Variants in ZSWIM6 observed in about 807,000 individuals in gnomAD.
ZSWIM6 encodes the protein zinc finger SWIM domain-containing protein 6.
ZSWIM6 carries 9 observed loss-of-function variants against 113.2 expected under a neutral mutation model. The ratio of observed to expected loss-of-function variants is 0.08; its 90% confidence interval spans 0.05 to 0.14. The LOEUF is 0.14. Ranked by LOEUF, ZSWIM6 falls within the 10% of genes least tolerant of loss-of-function variation. ZSWIM6 has a pLI of 1.00. For missense variants in ZSWIM6, 1,162 were observed against 1,552.2 expected, an observed-to-expected ratio of 0.75 and a Z score of 4.22; for synonymous variants, 611 against 606.5, an observed-to-expected ratio of 1.01 and a Z score of -0.11.
intron 1 of ZSWIM6, among the ~76,000 whole-genome samples, chr5:61,374,703 G>A (rs1745332110): frequency 6.6e-6 from 1 of 151,588 alleles, no homozygotes; most frequent in Non-Finnish European, 1.5e-5. Context: ...ACAGGCGCTC[G>A]CCACCACGCC....
intron 9 of ZSWIM6, among the ~76,000 whole-genome samples, chr5:61,534,843 C>T (rs1394090464): frequency 1.3e-5 from 2 of 152,126 alleles, no homozygotes; most frequent in African/African-American, 4.8e-5. Flanking sequence ...GAATAGTAAA[C>T]TTCCAGTTAC....
At chr5:61,488,352 A>G (rs769324596) in intron 2 of ZSWIM6, among the ~76,000 whole-genome samples, 13 of 151,930 alleles carry the variant, frequency 8.6e-5, no homozygotes, top group Non-Finnish European at 1.6e-4. Context: ...TAGTTTTGGT[A>G]CCATGCTGAC....
In ZSWIM6 at chr5:61,530,545, CTAGTT is replaced by C. The variant is rs199757348; in HGVS notation, c.1984+351_1984+355del. On this transcript the variant is annotated intron_variant, in intron 8 of 13. Coordinates refer to ENST00000252744, the MANE Select transcript of ZSWIM6 (RefSeq NM_020928.2). The stretch of plus-strand genomic sequence containing the variant: ...ATCTTAGCATTTAGAACTAGAAAAT[CTAGTT>C]TAGGTGCTTTTCAAATTTGTCTTTG... Among the ~76,000 whole-genome samples the C allele has an allele frequency of 4.6e-3, 701 of 152,288 alleles. 7 individuals are homozygous for C. The highest frequency in any genetic ancestry group is 0.016 in the African/African-American group (664 of 41,554).
At chr5:61,435,006 CT>C (rs1439401359) in intron 1 of ZSWIM6, among the ~76,000 whole-genome samples, 1 of 152,068 alleles carries the variant, frequency 6.6e-6, no homozygotes, top group Non-Finnish European at 1.5e-5. Flanking sequence ...AATTTAACTC[CT>C]TGTGAAAAGA....
chr5:61,446,966 G>T (rs1746967236), intron 1 of ZSWIM6, among the ~76,000 whole-genome samples: 1 of 152,156 alleles, frequency 6.6e-6, no homozygotes, highest in South Asian at 2.1e-4. Context: ...CATTTGCACT[G>T]ATAGGTAATC....
At chr5:61,422,420 A>C (rs2112125998) in intron 1 of ZSWIM6, among the ~76,000 whole-genome samples, 1 of 152,268 alleles carries the variant, frequency 6.6e-6, no homozygotes, top group African/African-American at 2.4e-5. Flanking sequence ...TATTCCACTT[A>C]CTAAGTGTCT....
intron 1 of ZSWIM6, among the ~76,000 whole-genome samples, chr5:61,355,369 A>G (rs1350543174): frequency 6.6e-6 from 1 of 151,098 alleles, no homozygotes; most frequent in Non-Finnish European, 1.5e-5. Flanking sequence ...CAGTGATGGT[A>G]TTGATGTAGC....
chr5:61,434,523 C>T (rs1353041112), intron 1 of ZSWIM6, among the ~76,000 whole-genome samples: 1 of 151,670 alleles, frequency 6.6e-6, no homozygotes, highest in Non-Finnish European at 1.5e-5. Flanking sequence ...TTAGTTCCCA[C>T]TTGTGAGAAC....
chr5:61,425,555 A>G (rs769672235), intron 1 of ZSWIM6, among the ~76,000 whole-genome samples: 52 of 152,216 alleles, frequency 3.4e-4, no homozygotes, highest in Non-Finnish European at 6.8e-4. Flanking sequence ...ACAAAAAGAG[A>G]GAAATCCCCA....
intron 1 of ZSWIM6, among the ~76,000 whole-genome samples, chr5:61,415,506 C>T (rs1211096933): frequency 2.0e-5 from 3 of 151,648 alleles, no homozygotes; most frequent in East Asian, 1.9e-4. Context: ...GCAGGAGAAT[C>T]GCTTGAACCA....
At chr5:61,340,289 T>C (rs1235491434) in intron 1 of ZSWIM6, among the ~76,000 whole-genome samples, 1 of 152,234 alleles carries the variant, frequency 6.6e-6, no homozygotes, top group Admixed American at 6.5e-5. Flanking sequence ...AAATGTTTTA[T>C]GTCTGCGGAA....
intron 2 of ZSWIM6, among the ~76,000 whole-genome samples, chr5:61,478,043 T>C (rs1561254093): frequency 6.6e-6 from 1 of 152,226 alleles, no homozygotes; most frequent in Non-Finnish European, 1.5e-5. Context: ...GTAATTGGGC[T>C]TGCCTTAGCA....
At chr5:61,490,010 T>C (rs1748135013) in intron 2 of ZSWIM6, among the ~76,000 whole-genome samples, 1 of 152,070 alleles carries the variant, frequency 6.6e-6, no homozygotes, top group Non-Finnish European at 1.5e-5. Context: ...TGAACAGTTT[T>C]TAGATCTAAT....
At chr5:61,388,565 T>C (rs1561218254) in intron 1 of ZSWIM6, among the ~76,000 whole-genome samples, 2 of 152,250 alleles carry the variant, frequency 1.3e-5, no homozygotes, top group Non-Finnish European at 2.9e-5. Flanking sequence ...CATACTGTTA[T>C]AAAGGCTTTA....
At chr5:61,456,281 G>A (rs184531303) in intron 1 of ZSWIM6, among the ~76,000 whole-genome samples, 1 of 152,250 alleles carries the variant, frequency 6.6e-6, no homozygotes, top group East Asian at 1.9e-4. Flanking sequence ...AATCATCAAA[G>A]GGAATTAAGT....
intron 1 of ZSWIM6, among the ~76,000 whole-genome samples, chr5:61,459,881 A>G (rs889139138): frequency 6.6e-6 from 1 of 152,192 alleles, no homozygotes; most frequent in Non-Finnish European, 1.5e-5. Context: ...TGCCACTCAA[A>G]TTTTAAGGAT....
chr5:61,433,009 G>A lies in ZSWIM6; in HGVS notation c.677-39672G>A, dbSNP rs571429734. Among the ~76,000 whole-genome samples the A allele has an allele frequency of 2.4e-4, 36 of 152,004 alleles. No individual in the cohort carries two copies. In the South Asian group the frequency reaches 2.5e-3, roughly 11 times the overall value. ...TGGGTCGTTAAATTTTTTCTTCTTC[G>A]GAACATGAAAAAGGAAGGAAGGAAA... is the stretch of plus-strand genomic sequence containing the variant. On this transcript the variant is annotated intron_variant, in intron 1 of 13. Coordinates refer to ENST00000252744, the MANE Select transcript of ZSWIM6 (RefSeq NM_020928.2).
intron 1 of ZSWIM6, among the ~76,000 whole-genome samples, chr5:61,349,549 A>G (rs997366226): frequency 2.0e-5 from 3 of 152,114 alleles, no homozygotes; most frequent in Non-Finnish European, 4.4e-5. Context: ...GGTTTTCAGT[A>G]CTGGGTTTGT....
rs1749299199 is a variant in ZSWIM6 at position 61,526,854 on chromosome 5, A to AG, written c.1837+459dup. ...TCTCTTCTGTGCAATGAGGCTCAGT[A>AG]GAGGGCCTATCTCTTAGAGTTGTTG... On this transcript the variant is annotated intron_variant, in intron 7 of 13. Coordinates refer to ENST00000252744, the MANE Select transcript of ZSWIM6 (RefSeq NM_020928.2). Among the ~76,000 whole-genome samples, 2 of 152,198 alleles carry AG rather than the reference A, an allele frequency of 1.3e-5. 1 individual carries two copies. Among genetic ancestry groups the AG allele is most frequent in the South Asian group, 4.1e-4 (2 of 4,826 alleles).
Sources: gnomAD v4.1 joint callset for allele counts (sites outside exome capture counted in the v4.1 genomes callset) on GRCh38, gnomAD v4.1.1 for gene constraint, MANE v1.5 for transcripts, NCBI Gene and HGNC (gene_info 2026-07-23, HGNC 2026-07-21) for gene names.